ATP2C1: variants seen among roughly 807,000 people sequenced by gnomAD.
ATP2C1 encodes ATPase secretory pathway Ca2+ transporting 1.
In ATP2C1, 31 loss-of-function variants were observed where a neutral mutation model predicts 120.5. The ratio of observed to expected loss-of-function variants is 0.26; its 90% CI spans 0.19 to 0.35. ATP2C1 has a LOEUF of 0.35. Among genes scored for constraint, ATP2C1 ranks in the 10% least tolerant of loss-of-function variants. The probability of loss-of-function intolerance (pLI) is 1.00; values close to 1 mark genes in which losing one functional copy is unlikely to be tolerated. For missense variants in ATP2C1, 731 were observed against 1,107.5 expected (o/e 0.66, Z 4.83); for synonymous variants, 351 against 358.7 (o/e 0.98, Z 0.24).
intron 7 of ATP2C1, among the ~76,000 whole-genome samples, chr3:130,940,933 T>TA (rs1553764033): frequency 4.3e-4 from 62 of 144,270 alleles, no homozygotes; most frequent in South Asian, 4.3e-3. Context: ...TTTTTTTTTT[T>TA]AGATGGAGTC....
At chr3:130,890,312 C>T (rs1204270159), upstream of ATP2C1, among the ~76,000 whole-genome samples, 1 of 152,222 alleles carries the variant, frequency 6.6e-6, no homozygotes, top group Non-Finnish European at 1.5e-5. Flanking sequence ...GGGACTCACA[C>T]TCACTTTGCT....
At chr3:130,955,203 TTG>T (rs2060528305) in intron 10 of ATP2C1, 123 bp downstream of exon 10, 2 of 733,962 alleles carry the variant, frequency 2.7e-6, no homozygotes, top group Non-Finnish European at 4.8e-6. Context: ...TGGAAATCAG[TTG>T]TCTCTGTTTA....
rs200630534 is a variant in ATP2C1 at position 130,926,001 on chromosome 3, T to A, written c.7-4415T>A. On this transcript the variant is annotated intron_variant, in intron 2 of 27. Coordinates refer to ENST00000510168, the MANE Select transcript of ATP2C1 (RefSeq NM_001378687.1). ...CATGCCTCCCCAACATCACCAAGTC[T>A]TTTTCCAGGTAGCCGGTTACCAGGG... Among the ~76,000 whole-genome samples, 12 of 152,228 alleles carry A rather than the reference T, an allele frequency of 7.9e-5. No homozygotes were observed. The East Asian group carries it at 1.9e-3, about 24-fold the overall frequency.
downstream of ATP2C1, among the ~76,000 whole-genome samples, chr3:131,004,031 G>C (rs1269146956): frequency 1.3e-5 from 2 of 152,320 alleles, no homozygotes; most frequent in East Asian, 3.9e-4. Flanking sequence ...GAGTGTGCTA[G>C]AAGTAGAACG....
intron 1 of ATP2C1, among the ~76,000 whole-genome samples, chr3:130,853,442 A>G (rs1333704220): frequency 6.6e-6 from 1 of 152,204 alleles, no homozygotes; most frequent in African/African-American, 2.4e-5. Flanking sequence ...CACCTCACTT[A>G]GCGCTGCTAA....
chr3:130,900,309 G>T (rs937926101), intron 2 of ATP2C1, among the ~76,000 whole-genome samples: 1 of 151,966 alleles, frequency 6.6e-6, no homozygotes, highest in Admixed American at 6.6e-5. Context: ...CAGTCTTATT[G>T]CCTTGGCCTC....
At chr3:130,863,005 C>T (rs1559867490) in intron 1 of ATP2C1, among the ~76,000 whole-genome samples, 1 of 152,010 alleles carries the variant, frequency 6.6e-6, no homozygotes, top group Non-Finnish European at 1.5e-5. Context: ...TTCTCGGGGC[C>T]TTAAAGAGGG....
intron 1 of ATP2C1, among the ~76,000 whole-genome samples, chr3:130,887,203 C>T (rs79084779): frequency 0.013 from 1,985 of 152,294 alleles, 39 homozygotes; most frequent in African/African-American, 0.045. Context: ...CTGTGCTGAG[C>T]TGCCTAGGGC....
chr3:130,964,091 T>C lies in ATP2C1; in HGVS notation c.1020T>C (p.Thr340=), dbSNP rs762186868. Residue 340 remains threonine, a synonymous_variant, in exon 13 of 28, where the codon ACT becomes ACC. Transcript: ENST00000510168. ...TGAAAAAGCTGCCTATTGTTGAAAC[T>C]CTGGGTAAGTCTGTGTTAAGAGCAT... is the stretch of plus-strand genomic sequence containing the variant. ...AIVKKLPIVE[T]LGCCNVICSD... 2.5e-6 allele frequency: 4 copies of C among 1,612,328 alleles called. No individual in the cohort carries two copies. In the South Asian group the frequency reaches 3.3e-5, roughly 13 times the overall value.
At chr3:130,977,172 C>T (rs149640258) in intron 18 of ATP2C1, among the ~76,000 whole-genome samples, 2 of 152,216 alleles carry the variant, frequency 1.3e-5, no homozygotes, top group East Asian at 1.9e-4. Context: ...AAGCCTGTGT[C>T]GGAAGGGGCA....
chr3:131,010,183 CTA>C (rs2063264030), intron 26 of ATP2C1, among the ~76,000 whole-genome samples: 1 of 127,288 alleles, frequency 7.9e-6, no homozygotes, highest in East Asian at 2.2e-4. Flanking sequence ...TCATCTTTTT[CTA>C]TCTTTTTTTT....
chr3:130,861,762 G>T (rs2068020798), intron 1 of ATP2C1, among the ~76,000 whole-genome samples: 1 of 152,032 alleles, frequency 6.6e-6, no homozygotes, highest in Non-Finnish European at 1.5e-5. Flanking sequence ...GATACGAAGT[G>T]AATACTTATT....
rs901099781 is a variant in ATP2C1 at position 130,861,941 on chromosome 3, A to G, written c.108+11013A>G. On this transcript the variant is annotated intron_variant, in intron 1 of 26. Coordinates refer to the ATP2C1 transcript ENST00000504381. ...ACAGGATCTTTAATGACCTCCTAAC[A>G]CAATGATGATTTATTTTGATTTTGA... Among the ~76,000 whole-genome samples the G allele has an allele frequency of 7.9e-5, 12 of 152,100 alleles. No homozygotes were observed. The East Asian group carries it at 1.3e-3, about 17-fold the overall frequency.
At chr3:130,876,947 T>G (rs776250917) in intron 1 of ATP2C1, among the ~76,000 whole-genome samples, 3 of 152,210 alleles carry the variant, frequency 2.0e-5, no homozygotes, top group Non-Finnish European at 4.4e-5. Flanking sequence ...GATTTTTGTA[T>G]GTTGATTTTG....
intron 18 of ATP2C1, among the ~76,000 whole-genome samples, chr3:130,977,295 T>C (rs1295887420): frequency 6.6e-6 from 1 of 152,224 alleles, no homozygotes; most frequent in East Asian, 1.9e-4. Context: ...TTACTTTTGC[T>C]AAGTTGCACT....
intron 3 of ATP2C1, among the ~76,000 whole-genome samples, chr3:130,931,449 A>G (rs542759888): frequency 5.9e-5 from 9 of 152,144 alleles, no homozygotes; most frequent in Non-Finnish European, 1.3e-4. Context: ...CCAAGAGTAT[A>G]AATTAATACC....
At position 130,953,964 on chromosome 3, in the gene ATP2C1, T is replaced by C. The variant is rs749551646; in HGVS notation, c.675T>C (p.Cys225=). 2 of 1,614,040 alleles carry C rather than the reference T, an allele frequency of 1.2e-6. No homozygotes were observed. The highest frequency in any genetic ancestry group is 1.7e-6 in the Non-Finnish European group (2 of 1,179,926). Residue 225 remains cysteine, a synonymous_variant, in exon 9 of 28, where the codon TGT becomes TGC. Transcript: ENST00000510168. ...NIAFMGTLVR[C]GKAKGVVIGT... ...CCTTTATGGGAACACTGGTCAGATG[T>C]GGCAAAGCAAAGGTAAATTTTTTTC...
intron 26 of ATP2C1, among the ~76,000 whole-genome samples, 158 bp downstream of exon 26, chr3:130,998,547 G>A (rs2062737608): frequency 6.6e-6 from 1 of 152,186 alleles, no homozygotes; most frequent in Admixed American, 6.5e-5. Context: ...TGTGCCATTG[G>A]TCACAATGAG....
chr3:130,941,961 T>C (rs954284671), intron 8 of ATP2C1, among the ~76,000 whole-genome samples: 3 of 152,156 alleles, frequency 2.0e-5, no homozygotes, highest in Non-Finnish European at 2.9e-5. Flanking sequence ...AAAGATGATA[T>C]GACAGAATAC....
Sources: gnomAD v4.1 joint callset for allele counts (sites outside exome capture counted in the v4.1 genomes callset) on GRCh38, gnomAD v4.1.1 for gene constraint, MANE v1.5 for transcripts, NCBI Gene and HGNC (gene_info 2026-07-23, HGNC 2026-07-21) for gene names.